The following ADGB variants were observed in gnomAD, a reference collection of about 807,000 sequenced individuals.
The protein encoded by ADGB is calpain-7-like protein.
A neutral mutation model predicts 210.5 loss-of-function variants in ADGB; 172 were observed. The observed-to-expected ratio is 0.82, with a 90% confidence interval of 0.72 to 0.93. The LOEUF (loss-of-function observed/expected upper bound fraction) is 0.93. ADGB is among the 40% of genes least tolerant of loss of function. The pLI is 0.00. For missense variants in ADGB, 2,025 were observed against 1,964.8 expected (o/e 1.03, Z -0.58); for synonymous variants, 658 against 662.7 (o/e 0.99, Z 0.11).
chr6:146,669,892 AC>A (rs1157406810), intron 7 of ADGB, among the ~76,000 whole-genome samples: 4 of 152,006 alleles, frequency 2.6e-5, no homozygotes, highest in African/African-American at 9.7e-5. Context: ...TTGATTCTCA[AC>A]CTCCTAAACT....
intron 28 of ADGB, among the ~76,000 whole-genome samples, chr6:146,764,909 C>T (rs1777549900): frequency 6.6e-6 from 1 of 152,064 alleles, no homozygotes; most frequent in South Asian, 2.1e-4. Flanking sequence ...AAGCGATTCT[C>T]CTGCCTCAGC....
intron 12 of ADGB, among the ~76,000 whole-genome samples, chr6:146,699,418 A>T (rs1247225170): frequency 6.6e-6 from 1 of 152,130 alleles, no homozygotes; most frequent in East Asian, 1.9e-4. Flanking sequence ...TAAGGGCAGG[A>T]GAAGAAGGGC....
chr6:146,712,404 C>G (rs535405431), intron 13 of ADGB, among the ~76,000 whole-genome samples: 188 of 152,172 alleles, frequency 1.2e-3, no homozygotes, highest in African/African-American at 4.2e-3. Context: ...CCAGGCCGGT[C>G]TTAAACTCCT....
intron 35 of ADGB, among the ~76,000 whole-genome samples, chr6:146,813,418 TTGTC>T (rs1051786087): frequency 1.3e-5 from 2 of 151,520 alleles, no homozygotes; most frequent in African/African-American, 4.8e-5. Flanking sequence ...ATCCTGCTGG[TTGTC>T]TGTATTTGGG....
chr6:146,757,982 A>G (rs747738302), intron 27 of ADGB, among the ~76,000 whole-genome samples: 1 of 152,076 alleles, frequency 6.6e-6, no homozygotes, highest in Non-Finnish European at 1.5e-5. Context: ...GTCACAGGGA[A>G]GTGGGATATG....
At chr6:146,726,790 T>C (rs1395232299) in intron 19 of ADGB, among the ~76,000 whole-genome samples, 2 of 152,194 alleles carry the variant, frequency 1.3e-5, no homozygotes, top group Non-Finnish European at 2.9e-5. Flanking sequence ...TCCCATGGCA[T>C]CATTGGTTCT....
At chr6:146,725,509 G>A (rs968868875) in intron 18 of ADGB, 7 of 152,252 alleles carry the variant, frequency 4.6e-5, no homozygotes, top group African/African-American at 1.7e-4. Context: ...ATGATCTGAG[G>A]TGGAACAGTT....
At chr6:146,651,762 T>C (rs9377014) in intron 3 of ADGB, among the ~76,000 whole-genome samples, 138,225 of 152,116 alleles carry the variant, frequency 0.91, 62,872 homozygotes, top group East Asian at 1. Flanking sequence ...TAAGCAAACA[T>C]GTAATTAGAT....
chr6:146,599,260 C>G, intron 1 of ADGB, 146 bp downstream of exon 1: 1 of 727,170 alleles, frequency 1.4e-6, no homozygotes, highest in South Asian at 1.6e-5. Context: ...TAAACCAGAT[C>G]CTGGAGGTGC....
At chr6:146,638,611 G>GC (rs200896396) in intron 2 of ADGB, among the ~76,000 whole-genome samples, 2 of 62,422 alleles carry the variant, frequency 3.2e-5, no homozygotes, top group Admixed American at 2.4e-4. Context: ...TTGTGGGGTG[G>GC]GGGGGGGGGG....
chr6:146,666,440 A>G (rs979556160), intron 6 of ADGB, among the ~76,000 whole-genome samples: 3 of 152,060 alleles, frequency 2.0e-5, no homozygotes, highest in Non-Finnish European at 4.4e-5. Context: ...ACATCTTAAA[A>G]TAATTACTGA....
At chr6:146,731,691 G>C (rs755008085) in intron 20 of ADGB, among the ~76,000 whole-genome samples, 1 of 151,996 alleles carries the variant, frequency 6.6e-6, no homozygotes, top group Admixed American at 6.6e-5. Context: ...TCCTCCTACC[G>C]TGTTATATTA....
chr6:146,789,668 C>T (rs747277322), intron 33 of ADGB, among the ~76,000 whole-genome samples: 4 of 152,182 alleles, frequency 2.6e-5, no homozygotes, highest in Admixed American at 6.5e-5. Flanking sequence ...TAATAGCTCA[C>T]ATGATGGTAG....
intron 2 of ADGB, chr6:146,638,759 A>G (rs896936199): frequency 1.3e-5 from 2 of 152,008 alleles, no homozygotes; most frequent in Non-Finnish European, 2.9e-5. Flanking sequence ...TATAATAAAA[A>G]AAAAACTGTT....
intron 35 of ADGB, among the ~76,000 whole-genome samples, chr6:146,808,966 G>A (rs1269227303): frequency 6.6e-6 from 1 of 151,946 alleles, no homozygotes; most frequent in East Asian, 1.9e-4. Flanking sequence ...AGGCCGCGAA[G>A]GCCTCGAGCT....
intron 35 of ADGB, among the ~76,000 whole-genome samples, chr6:146,810,726 A>T (rs1298605325): frequency 6.6e-6 from 1 of 152,062 alleles, no homozygotes; most frequent in East Asian, 1.9e-4. Context: ...GCATAATCTC[A>T]CTCACATGTG....
At chr6:146,751,829 G>T (rs893105376) in intron 26 of ADGB, among the ~76,000 whole-genome samples, 5 of 151,898 alleles carry the variant, frequency 3.3e-5, no homozygotes, top group African/African-American at 1.2e-4. Context: ...TTTTATAAGT[G>T]ACTGCTTATT....
chr6:146,729,429 G>A (rs532126600), intron 20 of ADGB, among the ~76,000 whole-genome samples: 160 of 152,176 alleles, frequency 1.1e-3, no homozygotes, highest in African/African-American at 3.7e-3. Flanking sequence ...ACTTTTATTT[G>A]ATGGGAGACT....
chr6:146,764,201 T>A, intron 28 of ADGB, 101 bp downstream of exon 28: 1 of 989,284 alleles, frequency 1.0e-6, no homozygotes, highest in Non-Finnish European at 1.4e-6. Context: ...TGTGCAGTGC[T>A]GCCAATGTAT....
Sources: gnomAD v4.1 joint callset for allele counts (sites outside exome capture counted in the v4.1 genomes callset) on GRCh38, gnomAD v4.1.1 for gene constraint, MANE v1.5 for transcripts, NCBI Gene and HGNC (gene_info 2026-07-23, HGNC 2026-07-21) for gene names.